The following MBNL2 variants were observed in gnomAD, a reference collection of about 807,000 sequenced individuals.
MBNL2 encodes the protein muscleblind-like protein 2.
Under a neutral mutation model 41.9 loss-of-function variants are expected in MBNL2, and 17 were observed. The ratio of observed to expected loss-of-function variants is 0.41; its 90% confidence interval spans 0.28 to 0.61. The LOEUF (loss-of-function observed/expected upper bound fraction) is 0.61, where lower values mean the gene tolerates loss of function less well. Ranked by LOEUF, MBNL2 falls within the 20% of genes least tolerant of loss-of-function variation. The probability of loss-of-function intolerance (pLI) is 0.35; values close to 1 mark genes in which losing one functional copy is unlikely to be tolerated. For synonymous variants in MBNL2, 195 were observed against 182.9 expected (o/e 1.07, Z -0.53); for missense variants, 336 against 505.6 (o/e 0.66, Z 3.22).
intron 5 of MBNL2, among the ~76,000 whole-genome samples, chr13:97,350,456 A>T (rs1439216044): frequency 6.6e-6 from 1 of 152,236 alleles, no homozygotes; most frequent in Non-Finnish European, 1.5e-5. Flanking sequence ...TCTTCCTTTT[A>T]TGAAAGATTT....
chr13:97,205,566 TAA>T, the MBNL2 span, among the ~76,000 whole-genome samples: 1 of 152,276 alleles, frequency 6.6e-6, no homozygotes, highest in South Asian at 2.1e-4. Flanking sequence ...AGTATCCTTT[TAA>T]AAGACTCTAA....
rs1172634931 is a variant in MBNL2 at position 97,268,274 on chromosome 13, C to G, written c.-604-7358C>G. Among the ~76,000 whole-genome samples, 1 of 152,036 alleles carries G rather than the reference C, an allele frequency of 6.6e-6. No individual in the cohort carries two copies. The highest frequency in any genetic ancestry group is 1.9e-4 in the East Asian group (1 of 5,172). Reference sequence around the variant, plus strand: ...CATGCACGCCCGGCTAAATTTTTTTCTATTTTTTGTAGACATGGGGTTTCA... The same window carrying G: ...CATGCACGCCCGGCTAAATTTTTTTGTATTTTTTGTAGACATGGGGTTTCA... On this transcript the variant is annotated intron_variant, in intron 1 of 8. Coordinates refer to ENST00000679496, the MANE Select transcript of MBNL2 (RefSeq NM_001382683.1). The surrounding 1 kb of genome is among the most constrained non-coding windows in gnomAD (Gnocchi z 4.6).
chr13:97,174,725 A>G, the MBNL2 span, among the ~76,000 whole-genome samples: 369 of 152,330 alleles, frequency 2.4e-3, 2 homozygotes, highest in African/African-American at 8.3e-3. Flanking sequence ...TTCAATGCCA[A>G]TTAATGATCT....
At chr13:97,222,063 G>GTGT (rs2040905931), upstream of MBNL2, among the ~76,000 whole-genome samples, 1 of 152,130 alleles carries the variant, frequency 6.6e-6, no homozygotes, top group Non-Finnish European at 1.5e-5. Context: ...GTCTTCAAGG[G>GTGT]TGTTTTCTTG....
chr13:97,275,031 A>T (rs976534991), intron 1 of MBNL2, among the ~76,000 whole-genome samples: 2 of 151,660 alleles, frequency 1.3e-5, no homozygotes, highest in African/African-American at 4.9e-5. Flanking sequence ...AACTACAAAG[A>T]ATAGTCTTTG....
chr13:97,302,055 C>G (rs184602702), intron 2 of MBNL2, among the ~76,000 whole-genome samples: 26 of 152,182 alleles, frequency 1.7e-4, no homozygotes, highest in African/African-American at 6.0e-4. Flanking sequence ...GCAGCAATTC[C>G]TCAGCACATA....
At chr13:97,189,871 C>T in the MBNL2 span, among the ~76,000 whole-genome samples, 7 of 152,332 alleles carry the variant, frequency 4.6e-5, no homozygotes, top group Admixed American at 1.3e-4. Context: ...CAGAACCACA[C>T]GCACAGCATG....
intron 1 of MBNL2, among the ~76,000 whole-genome samples, chr13:97,274,536 T>C (rs1325194291): frequency 6.6e-6 from 1 of 152,058 alleles, no homozygotes; most frequent in African/African-American, 2.4e-5. Flanking sequence ...AAATTATTGC[T>C]CTCTGAACTT....
chr13:97,345,571 A>G (rs1267653998), intron 4 of MBNL2, among the ~76,000 whole-genome samples: 2 of 152,060 alleles, frequency 1.3e-5, no homozygotes, highest in African/African-American at 4.8e-5. Context: ...TTCTTTCTCT[A>G]TATCTCTTGC....
the MBNL2 span, among the ~76,000 whole-genome samples, chr13:97,163,608 CCTAGT>C: frequency 1.3e-5 from 2 of 152,156 alleles, no homozygotes; most frequent in Non-Finnish European, 2.9e-5. Context: ...ATCAAGGGAG[CCTAGT>C]TTACCTGAAT....
chr13:97,352,280 T>C (rs937801352), intron 5 of MBNL2, among the ~76,000 whole-genome samples: 1 of 152,236 alleles, frequency 6.6e-6, no homozygotes, highest in African/African-American at 2.4e-5. Flanking sequence ...GCTTTTAGCC[T>C]ATCTTGGCTT....
At chr13:97,233,149 A>G (rs1594067446) in intron 1 of MBNL2, among the ~76,000 whole-genome samples, 1 of 88,552 alleles carries the variant, frequency 1.1e-5, no homozygotes, top group Non-Finnish European at 2.3e-5. Flanking sequence ...ATATATATAT[A>G]TATATATATA....
intron 1 of MBNL2, among the ~76,000 whole-genome samples, chr13:97,243,001 T>C (rs2044637114): frequency 6.6e-6 from 1 of 152,184 alleles, no homozygotes; most frequent in Non-Finnish European, 1.5e-5. Flanking sequence ...AGGCGTCTCC[T>C]TCTTGCCCTC....
intron 8 of MBNL2, among the ~76,000 whole-genome samples, chr13:97,380,625 C>A (rs1372478581): frequency 6.6e-6 from 1 of 152,112 alleles, no homozygotes; most frequent in Admixed American, 6.6e-5. Flanking sequence ...ACAGGCGATA[C>A]ACAAATGTAC....
At chr13:97,178,579 G>A in the MBNL2 span, among the ~76,000 whole-genome samples, 7 of 152,182 alleles carry the variant, frequency 4.6e-5, no homozygotes, top group Non-Finnish European at 8.8e-5. Context: ...CAATAGAAAT[G>A]TCTAAAATAA....
At chr13:97,156,394 G>C in the MBNL2 span, among the ~76,000 whole-genome samples, 1 of 147,108 alleles carries the variant, frequency 6.8e-6, no homozygotes, top group South Asian at 2.2e-4. Context: ...AAGCTCTTTA[G>C]TTTAATTAGA....
intron 2 of MBNL2, among the ~76,000 whole-genome samples, chr13:97,328,714 A>G (rs192304884): frequency 5.9e-5 from 9 of 152,290 alleles, no homozygotes; most frequent in Non-Finnish European, 1.3e-4. Context: ...GTAGAAATCC[A>G]TTGCTTTTCC....
chr13:97,274,699 A>T (rs1296977935), intron 1 of MBNL2, among the ~76,000 whole-genome samples: 3 of 152,166 alleles, frequency 2.0e-5, no homozygotes, highest in Non-Finnish European at 4.4e-5. Flanking sequence ...TCTGGACTTT[A>T]GTCCTTTATT....
Position 97,261,734 on chromosome 13 carries a change from C to G in MBNL2, c.-604-13898C>G, listed in dbSNP as rs556490321. On this transcript the variant is annotated intron_variant, in intron 1 of 8. Transcript: ENST00000679496. ...CACTTTTGCAGCAGGTAAAACAGCT[C>G]TGATTTGACTGAGACGATAAAGGCT... 1.1e-3 allele frequency among the ~76,000 whole-genome samples: 170 copies of G among 152,348 alleles called. 1 individual carries two copies. Among genetic ancestry groups the G allele is most frequent in the African/African-American group, 4.0e-3 (168 of 41,574 alleles).
Sources: gnomAD v4.1 joint callset for allele counts (sites outside exome capture counted in the v4.1 genomes callset) on GRCh38, gnomAD v4.1.1 for gene constraint, Gnocchi (gnomAD v3.1) non-coding constraint, MANE v1.5 for transcripts, NCBI Gene and HGNC (gene_info 2026-07-23, HGNC 2026-07-21) for gene names.